Variants in DPP9 observed in about 807,000 individuals in gnomAD.
DPP9 encodes dipeptidyl peptidase 9.
DPP9 carries 50 observed loss-of-function variants against 110.7 expected under a neutral mutation model. The ratio of observed to expected loss-of-function variants is 0.45; its 90% confidence interval spans 0.36 to 0.57. The LOEUF (loss-of-function observed/expected upper bound fraction) is 0.57, where lower values mean the gene tolerates loss of function less well. Among genes scored for constraint, DPP9 ranks in the 20% least tolerant of loss-of-function variants. The probability of loss-of-function intolerance (pLI) is 0.00; values close to 1 mark genes in which losing one functional copy is unlikely to be tolerated. For missense variants in DPP9, 1,022 were observed against 1,217.9 expected, an observed-to-expected ratio of 0.84 and a Z score of 2.39; for synonymous variants, 561 against 514.4, an observed-to-expected ratio of 1.09 and a Z score of -1.23.
chr19:4,704,105 C>T lies in DPP9; in HGVS notation c.600+26G>A, dbSNP rs751479230. ...GGGGAGGGGCCCTCCACGCCACCCC[C>T]GCACACAGCCAGGGCCAGGGCTCAC... On this transcript the variant is annotated intron_variant, in intron 6 of 21. Coordinates refer to ENST00000262960, the MANE Select transcript of DPP9 (RefSeq NM_139159.5). This position sits in a 1 kb window ranked among gnomAD's most constrained non-coding sequence, Gnocchi z 6.0. 7 of 1,613,654 alleles carry T rather than the reference C, an allele frequency of 4.3e-6. No homozygotes were observed. Among genetic ancestry groups the T allele is most frequent in the Admixed American group, 3.3e-5 (2 of 60,004 alleles).
chr19:4,678,024 A>G (rs1417024886), intron 21 of DPP9, among the ~76,000 whole-genome samples: 1 of 151,944 alleles, frequency 6.6e-6, no homozygotes, highest in Non-Finnish European at 1.5e-5. Flanking sequence ...AGCCTATCTC[A>G]TCTCACGTTC....
chr19:4,699,941 G>A (rs553997716), intron 10 of DPP9, among the ~76,000 whole-genome samples: 3 of 152,326 alleles, frequency 2.0e-5, no homozygotes, highest in Admixed American at 6.5e-5. Flanking sequence ...GTCCTCGCAG[G>A]GCCCCTGCCC....
intron 1 of DPP9, 57 bp downstream of exon 1, chr19:4,723,617 C>A: frequency 6.4e-6 from 1 of 156,896 alleles, no homozygotes; most frequent in South Asian, 1.7e-4. Context: ...CGGGGCCGGT[C>A]AATGGCGGGT....
chr19:4,682,697 C>G lies in DPP9; in HGVS notation c.2473G>C (p.Glu825Gln). The change falls in exon 20 of 22, where the codon GAG (glutamate) becomes CAG (glutamine). Residue 825 changes from glutamate to glutamine, a missense_variant and splice_region_variant. Glu to Gln is a conservative substitution (Grantham distance 29). Transcript: ENST00000262960. This position sits in a 1 kb window ranked among gnomAD's most constrained non-coding sequence, Gnocchi z 7.1. ...VALHVEKLPNEPNRLLILHGF... is the reference protein window; with the variant it reads ...VALHVEKLPNQPNRLLILHGF... ...CGCAGGGCAGGGCAGTGGCCTTACT[C>G]ATTGGGCAGCTTCTCCACGTGCAGG... is the stretch of plus-strand genomic sequence containing the variant. 1 of 1,609,482 alleles carries G rather than the reference C, an allele frequency of 6.2e-7. No individual in the cohort carries two copies.
chr19:4,688,087 C>T (rs903248908), intron 16 of DPP9, among the ~76,000 whole-genome samples: 2 of 152,166 alleles, frequency 1.3e-5, no homozygotes, highest in Non-Finnish European at 2.9e-5. Flanking sequence ...TGAGCCACCG[C>T]GCCTGGCCCA....
intron 18 of DPP9, 122 bp from the exon 19 acceptor site, chr19:4,683,751 C>T (rs1292191445): frequency 1.9e-6 from 3 of 1,597,528 alleles, no homozygotes; most frequent in South Asian, 1.1e-5. Context: ...TCGCTGGAAG[C>T]CCCCTGTCCT....
intron 1 of DPP9, among the ~76,000 whole-genome samples, chr19:4,723,122 T>G (rs1473017346): frequency 6.6e-6 from 1 of 152,102 alleles, no homozygotes; most frequent in Non-Finnish European, 1.5e-5. Context: ...CTGGATACCC[T>G]TAATAGAGGG....
At position 4,714,217 on chromosome 19, in the gene DPP9, C is replaced by A. The variant is rs1239454267; in HGVS notation, c.177G>T (p.Ser59=). Residue 59 remains serine, a synonymous_variant, in exon 4 of 22, where the codon TCG becomes TCT. Coordinates refer to ENST00000262960, the MANE Select transcript of DPP9 (RefSeq NM_139159.5). ...PAARFQVQKH[S]WDGLRSIIHG... ...GGATGATGCTCCGGAGCCCGTCCCA[C>A]GAGTGCTTCTGCACCTGGAAGCGGG... 6.2e-7 allele frequency: 1 copy of A among 1,604,406 alleles called. No individual in the cohort carries two copies. The highest frequency in any genetic ancestry group is 1.7e-5 in the Admixed American group (1 of 58,746).
At chr19:4,705,805 C>G (rs1487764799) in intron 5 of DPP9, 53 bp downstream of exon 5, 2 of 1,573,388 alleles carry the variant, frequency 1.3e-6, no homozygotes, top group African/African-American at 1.3e-5. Flanking sequence ...GTGGGGCTGG[C>G]CTTTGCCACC....
chr19:4,692,806 G>A (rs995607049), intron 13 of DPP9, among the ~76,000 whole-genome samples: 1 of 152,154 alleles, frequency 6.6e-6, no homozygotes, highest in Non-Finnish European at 1.5e-5. Flanking sequence ...CAGCCAGACA[G>A]AAAGTGAAAC....
intron 4 of DPP9, among the ~76,000 whole-genome samples, chr19:4,706,835 C>T (rs751032389): frequency 7.2e-5 from 11 of 152,174 alleles, no homozygotes; most frequent in Non-Finnish European, 1.5e-4. Context: ...AATGGGGAAG[C>T]GTGCACCTGG....
At chr19:4,721,797 G>A (rs933122387) in intron 2 of DPP9, among the ~76,000 whole-genome samples, 1 of 152,108 alleles carries the variant, frequency 6.6e-6, no homozygotes, top group African/African-American at 2.4e-5. Context: ...AGAAGAGAGG[G>A]AAGCACATGG....
chr19:4,689,843 C>T lies in DPP9; in HGVS notation c.1597-121G>A, dbSNP rs2091151318. The T allele has an allele frequency of 3.6e-6, 4 of 1,117,734 alleles. No individual in the cohort carries two copies. Among genetic ancestry groups the T allele is most frequent in the Non-Finnish European group, 3.7e-6 (3 of 811,840 alleles). The allele number at this position is 1,117,734 out of a possible 1,614,324, so 69.2% of individuals were successfully genotyped here. ...GACTGGGGACGCATGCTGTCCTCGC[C>T]CAAGTCTGGCTTTAGGGCTGGAGAT... is the stretch of plus-strand genomic sequence containing the variant. On this transcript the variant is annotated intron_variant, in intron 14 of 21. Transcript: ENST00000262960. The surrounding 1 kb of genome is among the most constrained non-coding windows in gnomAD (Gnocchi z 7.0).
intron 4 of DPP9, among the ~76,000 whole-genome samples, chr19:4,707,770 C>T (rs765242926): frequency 1.4e-4 from 21 of 151,930 alleles, no homozygotes; most frequent in African/African-American, 4.1e-4. Context: ...GGATTACAGG[C>T]GCCCACCACC....
chr19:4,709,604 G>A (rs2092738755), intron 4 of DPP9, among the ~76,000 whole-genome samples: 1 of 152,194 alleles, frequency 6.6e-6, no homozygotes, highest in Non-Finnish European at 1.5e-5. Context: ...CCAATCCACA[G>A]AGACAGGAAG....
chr19:4,686,382 C>T (rs922602025), intron 16 of DPP9, among the ~76,000 whole-genome samples: 1 of 149,624 alleles, frequency 6.7e-6, no homozygotes, highest in African/African-American at 2.5e-5. Context: ...TGCAGTGGCA[C>T]GATCTTGGTT....
chr19:4,713,970 G>C, intron 4 of DPP9, 111 bp downstream of exon 4: 1 of 1,418,646 alleles, frequency 7.0e-7, no homozygotes, highest in South Asian at 1.5e-5. Flanking sequence ...CCAGGGCCCA[G>C]CCATCCGAGC....
Position 4,702,730 on chromosome 19 carries a change from C to A in DPP9, c.770-14G>T. ...CATTGGATAAACCTAGGGGGAGGGACGGAGAGCATCAACAAGGGGTGAGCA... is the reference window on the plus strand; with the variant it reads ...CATTGGATAAACCTAGGGGGAGGGAAGGAGAGCATCAACAAGGGGTGAGCA... On this transcript the variant is annotated splice_polypyrimidine_tract_variant and intron_variant, in intron 7 of 21. Coordinates refer to ENST00000262960, the MANE Select transcript of DPP9 (RefSeq NM_139159.5). 2.6e-6 allele frequency: 4 copies of A among 1,512,864 alleles called. No homozygotes were observed. Among genetic ancestry groups the A allele is most frequent in the Non-Finnish European group, 3.6e-6 (4 of 1,123,342 alleles). The allele number at this position is 1,512,864 out of a possible 1,614,324, so 93.7% of individuals were successfully genotyped here. A position where few individuals can be genotyped will look rare whatever the true frequency, so the allele number is the denominator to read the frequency against.
intron 20 of DPP9, 135 bp from the exon 21 acceptor site, chr19:4,680,081 A>T (rs998327889): frequency 9.8e-6 from 6 of 612,528 alleles, no homozygotes; most frequent in Non-Finnish European, 1.7e-5. Context: ...AATATATTTA[A>T]AAAAAATTAG....
Sources: allele counts gnomAD v4.1 joint callset (sites outside exome capture counted in the v4.1 genomes callset), GRCh38; gene constraint gnomAD v4.1.1; non-coding constraint Gnocchi (gnomAD v3.1); transcripts MANE v1.5; gene names NCBI Gene and HGNC (gene_info 2026-07-23, HGNC 2026-07-21).